The following MTMR6 variants were observed in gnomAD, a reference collection of about 807,000 sequenced individuals.
The protein encoded by MTMR6 is phosphatidylinositol-3,5-bisphosphate 3-phosphatase MTMR6.
In MTMR6, 47 loss-of-function variants were observed where a neutral mutation model predicts 80.1. The ratio of observed to expected loss-of-function variants is 0.59; its 90% CI spans 0.46 to 0.75. MTMR6 has a LOEUF of 0.75. Among genes scored for constraint, MTMR6 ranks in the 30% least tolerant of loss-of-function variants. MTMR6 has a pLI of 0.00. For synonymous variants in MTMR6, 254 were observed against 253.0 expected (o/e 1.00, Z -0.04); for missense variants, 629 against 730.9 (o/e 0.86, Z 1.61).
intron 5 of MTMR6, among the ~76,000 whole-genome samples, chr13:25,263,727 A>T (rs540258291): frequency 6.6e-6 from 1 of 152,128 alleles, no homozygotes; most frequent in Non-Finnish European, 1.5e-5. Flanking sequence ...CTCTACTAAA[A>T]ATATAAAAAT....
chr13:25,266,349 T>A, intron 3 of MTMR6, 63 bp from the exon 4 acceptor site: 3 of 1,379,228 alleles, frequency 2.2e-6, no homozygotes, highest in Non-Finnish European at 3.0e-6. Flanking sequence ...TACAAATAAA[T>A]GTAATTTTTC....
At chr13:25,280,537 A>C (rs1957821512) in intron 1 of MTMR6, among the ~76,000 whole-genome samples, 1 of 152,218 alleles carries the variant, frequency 6.6e-6, no homozygotes, top group African/African-American at 2.4e-5. Flanking sequence ...AGACTTAGTC[A>C]ACTTCTAAAA....
rs5802323 is a variant in MTMR6 at position 25,285,389 on chromosome 13, G to GCC, written c.24+1833_24+1834dup. 4.4e-4 allele frequency among the ~76,000 whole-genome samples: 30 copies of GCC among 67,548 alleles called. 1 individual carries two copies. The highest frequency in any genetic ancestry group is 1.5e-3 in the African/African-American group (23 of 15,080). The allele number at this position is 67,548 out of a possible 152,430, so 44.3% of individuals were successfully genotyped here. A position where few individuals can be genotyped will look rare whatever the true frequency, so the allele number is the denominator to read the frequency against. ...TTTTACTGATTTTTTATTCTTTTCC[G>GCC]CCCCCCCCCCCCCAATTATGTCACC... On this transcript the variant is annotated intron_variant, in intron 1 of 13. Coordinates refer to ENST00000381801, the MANE Select transcript of MTMR6 (RefSeq NM_004685.5).
chr13:25,255,589 T>A (rs1379768869), intron 9 of MTMR6, among the ~76,000 whole-genome samples: 1 of 152,224 alleles, frequency 6.6e-6, no homozygotes, highest in South Asian at 2.1e-4. Flanking sequence ...AGTGGCGCAA[T>A]CTTGGCTCAC....
intron 6 of MTMR6, chr13:25,260,604 C>A: frequency 7.0e-6 from 9 of 1,286,736 alleles, no homozygotes; most frequent in Non-Finnish European, 8.1e-6. Context: ...CTCTTATTTT[C>A]TCATCATTCT....
rs752725814 is a variant in MTMR6 at position 25,258,595 on chromosome 13, T to C, written c.824A>G (p.His275Arg). ...TTTCTGAAGGCTGGACCTCATGACA[T>C]GAATATTTTCAATTCCAACAAACTG... ...RFQFVGIENI[H>R]VMRSSLQKLL... The change falls in exon 7 of 14, where the codon CAT becomes CGT. Residue 275 changes from histidine to arginine, a missense_variant. By Grantham distance (29) the His-to-Arg change is conservative. Transcript: ENST00000381801. 1.3e-6 allele frequency: 2 copies of C among 1,596,674 alleles called. No homozygotes were observed. The highest frequency in any genetic ancestry group is 2.3e-5 in the South Asian group (2 of 87,080).
Position 25,253,815 on chromosome 13 carries a change from C to A in MTMR6, c.1295G>T (p.Cys432Phe), listed in dbSNP as rs1311260899. 1 of 1,613,964 alleles carries A rather than the reference C, an allele frequency of 6.2e-7. No individual in the cohort carries two copies. The highest frequency in any genetic ancestry group is 8.5e-7 in the Non-Finnish European group (1 of 1,180,008). Reference sequence around the variant, plus strand: ...ATTTCCAAGGAAGTTTCCAAACTGGCATGAATGAATATGCTCATGGATCTG... The same window carrying A: ...ATTTCCAAGGAAGTTTCCAAACTGGAATGAATGAATATGCTCATGGATCTG... The part of the protein sequence containing the change: ...LLQIHEHIHS[C>F]QFGNFLGNCQ... Residue 432 changes from cysteine (C) to phenylalanine (F), a missense_variant, in exon 11 of 14, where the codon TGC becomes TTC. Transcript: ENST00000381801.
At chr13:25,253,694 C>A in intron 11 of MTMR6, 70 bp downstream of exon 11, 1 of 1,312,362 alleles carries the variant, frequency 7.6e-7, no homozygotes, top group Non-Finnish European at 1.1e-6. Context: ...TATTAAGTTT[C>A]AAACATGATT....
chr13:25,277,519 C>T (rs1957750487), intron 1 of MTMR6, among the ~76,000 whole-genome samples: 1 of 152,168 alleles, frequency 6.6e-6, no homozygotes, highest in South Asian at 2.1e-4. Flanking sequence ...CCCAATTTAC[C>T]AGTGATCCCT....
chr13:25,278,550 G>A (rs1052286930), intron 1 of MTMR6, among the ~76,000 whole-genome samples: 4 of 151,944 alleles, frequency 2.6e-5, no homozygotes, highest in Admixed American at 6.6e-5. Flanking sequence ...GTGAAACCCT[G>A]TCTCTACTAA....
chr13:25,257,684 C>A, intron 8 of MTMR6, 52 bp downstream of exon 8: 14 of 1,327,180 alleles, frequency 1.1e-5, no homozygotes, highest in Non-Finnish European at 1.5e-5. Context: ...TACATCTACT[C>A]CTTCCCAATC....
chr13:25,260,199 G>A (rs140991337), intron 6 of MTMR6, among the ~76,000 whole-genome samples: 3,501 of 138,640 alleles, frequency 0.025, 147 homozygotes, highest in African/African-American at 0.09. Flanking sequence ...ACGGAGTTTC[G>A]CTCTTGTTGC....
At chr13:25,260,198 C>G (rs1368907645) in intron 6 of MTMR6, among the ~76,000 whole-genome samples, 1 of 144,078 alleles carries the variant, frequency 6.9e-6, no homozygotes, top group Non-Finnish European at 1.5e-5. Context: ...GACGGAGTTT[C>G]GCTCTTGTTG....
intron 5 of MTMR6, among the ~76,000 whole-genome samples, chr13:25,262,852 A>G (rs1957369766): frequency 6.6e-6 from 1 of 152,354 alleles, no homozygotes; most frequent in African/African-American, 2.4e-5. Flanking sequence ...TTTCAGACCT[A>G]CTTTCTGATT....
In MTMR6 at chr13:25,254,789, G is replaced by A. The variant is rs376023633; in HGVS notation, c.1096-355C>T. Among the ~76,000 whole-genome samples, 6 of 152,046 alleles carry A rather than the reference G, an allele frequency of 3.9e-5. No homozygotes were observed. The South Asian group carries it at 1.2e-3, about 32-fold the overall frequency. On this transcript the variant is annotated intron_variant, in intron 9 of 13. Coordinates refer to ENST00000381801, the MANE Select transcript of MTMR6 (RefSeq NM_004685.5). The stretch of plus-strand genomic sequence containing the variant: ...GGCTAGAAAAATGTAAACCAAAACT[G>A]CTAACAAAGGATAACTCTAGGTGGT...
intron 5 of MTMR6, among the ~76,000 whole-genome samples, chr13:25,264,290 A>G (rs1957404705): frequency 1.3e-5 from 2 of 152,118 alleles, no homozygotes; most frequent in African/African-American, 4.8e-5. Context: ...AATAAAGGAG[A>G]AAGTTTTTAA....
Position 25,248,572 on chromosome 13 carries a change from G to A in MTMR6, c.*660C>T, listed in dbSNP as rs1429719885. The A allele has an allele frequency of 1.3e-5, 2 of 152,246 alleles. No homozygotes were observed. The highest frequency in any genetic ancestry group is 4.8e-5 in the African/African-American group (2 of 41,412). The allele number at this position is 152,246 out of a possible 1,614,324, so 9.4% of individuals were successfully genotyped here. ...AATACAAAAGTGGGGCAGGCTAAACGTGAACAGTGTACTTCTACAAGTGTT... is the reference window on the plus strand; with the variant it reads ...AATACAAAAGTGGGGCAGGCTAAACATGAACAGTGTACTTCTACAAGTGTT... On this transcript the variant is annotated 3_prime_UTR_variant, in exon 14 of 14. Coordinates refer to ENST00000381801, the MANE Select transcript of MTMR6 (RefSeq NM_004685.5).
intron 10 of MTMR6, 105 bp from the exon 11 acceptor site, chr13:25,254,069 A>G (rs540815199): frequency 9.5e-5 from 111 of 1,169,486 alleles, no homozygotes; most frequent in Non-Finnish European, 7.8e-5. Flanking sequence ...GCACTGTTAC[A>G]TTAGCATGCA....
intron 1 of MTMR6, among the ~76,000 whole-genome samples, chr13:25,274,807 C>G (rs566407661): frequency 6.6e-6 from 1 of 152,214 alleles, no homozygotes; most frequent in East Asian, 1.9e-4. Context: ...CAGTTCATTA[C>G]TTATGTTTTG....
Sources: gnomAD v4.1 joint callset for allele counts (sites outside exome capture counted in the v4.1 genomes callset) on GRCh38, gnomAD v4.1.1 for gene constraint, MANE v1.5 for transcripts, NCBI Gene and HGNC (gene_info 2026-07-23, HGNC 2026-07-21) for gene names.